WDR88: variants seen among roughly 807,000 people sequenced by gnomAD.
WDR88 encodes WD repeat-containing protein 88.
A neutral mutation model predicts 46.8 loss-of-function variants in WDR88; 40 were observed. The ratio of observed to expected loss-of-function variants is 0.86; its 90% confidence interval spans 0.66 to 1.11. The LOEUF is 1.11. Ranked by LOEUF, WDR88 falls within the 50% of genes most tolerant of loss-of-function variation. The pLI, the probability that WDR88 is intolerant of heterozygous loss-of-function variation, is 0.00. For synonymous variants in WDR88, 235 were observed against 240.7 expected, an observed-to-expected ratio of 0.98 and a Z score of 0.22; for missense variants, 562 against 602.4, an observed-to-expected ratio of 0.93 and a Z score of 0.70.
At chr19:33,147,995 CAGAA>C (rs1318576225) in intron 4 of WDR88, among the ~76,000 whole-genome samples, 1 of 151,474 alleles carries the variant, frequency 6.6e-6, no homozygotes, top group Non-Finnish European at 1.5e-5. Context: ...TTTGGATACA[CAGAA>C]AGAAGCCAGA....
chr19:33,144,663 C>T (rs1973473449), intron 2 of WDR88, among the ~76,000 whole-genome samples, 181 bp from the exon 3 acceptor site: 1 of 152,210 alleles, frequency 6.6e-6, no homozygotes, highest in Non-Finnish European at 1.5e-5. Flanking sequence ...CCTTCCCGCT[C>T]AGGGGACGGA....
intron 4 of WDR88, among the ~76,000 whole-genome samples, chr19:33,148,049 C>T (rs1458014355): frequency 1.3e-5 from 2 of 151,804 alleles, no homozygotes; most frequent in Non-Finnish European, 2.9e-5. Context: ...CCAGGCTCCC[C>T]GGTAAGATGT....
At chr19:33,157,677 GTGTATGTATGTATA>G (rs1355487651) in intron 7 of WDR88, among the ~76,000 whole-genome samples, 7 of 3,450 alleles carry the variant, frequency 2.0e-3, no homozygotes, top group Admixed American at 6.6e-3. Context: ...ATGTGTGTGT[GTGTATGTATGTATA>G]TATATATATA....
chr19:33,164,126 C>A, intron 8 of WDR88, 71 bp from the exon 9 acceptor site: 2 of 1,479,800 alleles, frequency 1.4e-6, no homozygotes, highest in Non-Finnish European at 1.9e-6. Context: ...AGCCACTACA[C>A]CCAGCTTGTT....
intron 6 of WDR88, among the ~76,000 whole-genome samples, chr19:33,151,979 C>T (rs1009420208): frequency 7.9e-5 from 12 of 151,948 alleles, no homozygotes; most frequent in Non-Finnish European, 1.5e-4. Context: ...TGCCTGTAAT[C>T]CCAGCACTTT....
At chr19:33,159,109 T>C (rs770592219) in intron 7 of WDR88, among the ~76,000 whole-genome samples, 6 of 151,608 alleles carry the variant, frequency 4.0e-5, no homozygotes, top group Non-Finnish European at 7.4e-5. Context: ...GGCGGGAGTA[T>C]TGCTTGAACC....
chr19:33,148,744 C>T (rs771047811), intron 4 of WDR88, 28 bp from the exon 5 acceptor site: 1 of 1,613,870 alleles, frequency 6.2e-7, no homozygotes, highest in African/African-American at 1.3e-5. Context: ...TGGCTTAAAA[C>T]AACCTTTTGA....
chr19:33,145,016 T>G, intron 3 of WDR88, 84 bp downstream of exon 3: 1 of 1,308,722 alleles, frequency 7.6e-7, no homozygotes, highest in Non-Finnish European at 1.1e-6. Context: ...ATTTTTGTTT[T>G]TGTTTTAAGT....
chr19:33,143,565 G>A (rs1026342413), intron 2 of WDR88, among the ~76,000 whole-genome samples: 2 of 151,036 alleles, frequency 1.3e-5, no homozygotes, highest in African/African-American at 4.9e-5. Flanking sequence ...GATGGCTTTG[G>A]CCCAGGAGGC....
At position 33,132,157 on chromosome 19, in the gene WDR88, A is replaced by T. The variant is rs1178926312; in HGVS notation, c.-13A>T. On this transcript the variant is annotated 5_prime_UTR_variant, in exon 1 of 11. Transcript: ENST00000355868. ...CAGGCTTGTCGGCGGCCACCGGCGGACCGGGCTTCGAGATGGCCTCCCCGC... is the reference window on the plus strand; with the variant it reads ...CAGGCTTGTCGGCGGCCACCGGCGGTCCGGGCTTCGAGATGGCCTCCCCGC... 2 of 1,575,202 alleles carry T rather than the reference A, an allele frequency of 1.3e-6. No homozygotes were observed. The highest frequency in any genetic ancestry group is 1.7e-6 in the Non-Finnish European group (2 of 1,164,390).
chr19:33,167,547 T>G (rs958155654), intron 9 of WDR88, among the ~76,000 whole-genome samples: 1 of 152,022 alleles, frequency 6.6e-6, no homozygotes, highest in African/African-American at 2.4e-5. Context: ...TATTCAATAT[T>G]GTACTGGAAG....
At chr19:33,143,748 T>G (rs1973451357) in intron 2 of WDR88, among the ~76,000 whole-genome samples, 1 of 152,024 alleles carries the variant, frequency 6.6e-6, no homozygotes, top group Non-Finnish European at 1.5e-5. Context: ...AAAAAACTCA[T>G]CTTTCCATGA....
intron 10 of WDR88, chr19:33,174,601 A>C (rs980943107): frequency 9.1e-6 from 9 of 983,862 alleles, no homozygotes; most frequent in Non-Finnish European, 1.1e-5. Context: ...TAGCACCTGC[A>C]TCAATCTGCT....
chr19:33,174,422 G>A, intron 10 of WDR88: 1 of 1,385,738 alleles, frequency 7.2e-7, no homozygotes, highest in Non-Finnish European at 9.4e-7. Flanking sequence ...AGGGGACCAT[G>A]CATGGTGGGA....
In WDR88 at chr19:33,170,057, A is replaced by T. The variant is rs11882143; in HGVS notation, c.1150-2291A>T. Among the ~76,000 whole-genome samples, 337 of 150,536 alleles carry T rather than the reference A, an allele frequency of 2.2e-3. 3 individuals are homozygous for T. Among genetic ancestry groups the T allele is most frequent in the African/African-American group, 7.9e-3 (324 of 40,840 alleles). On this transcript the variant is annotated intron_variant, in intron 9 of 10. Coordinates refer to ENST00000355868, the MANE Select transcript of WDR88 (RefSeq NM_173479.4). ...CACGCCTGGCTAATTTTGTATTTTT[A>T]GTACAGACGGGGTTTCTCCATGTTG... is the stretch of plus-strand genomic sequence containing the variant.
chr19:33,133,674 A>C (rs924406900), intron 1 of WDR88, among the ~76,000 whole-genome samples: 2 of 152,212 alleles, frequency 1.3e-5, no homozygotes, highest in Admixed American at 1.3e-4. Flanking sequence ...TTTAAGATGA[A>C]GTCTGGCGAT....
chr19:33,167,099 C>G (rs1973965495), intron 9 of WDR88, among the ~76,000 whole-genome samples: 1 of 151,960 alleles, frequency 6.6e-6, no homozygotes, highest in East Asian at 1.9e-4. Flanking sequence ...AAGCCAAGAA[C>G]AAACATGACA....
chr19:33,156,565 G>A (rs745552808), intron 7 of WDR88, 23 bp downstream of exon 7: 19 of 1,603,504 alleles, frequency 1.2e-5, no homozygotes, highest in Non-Finnish European at 1.4e-5. Flanking sequence ...CATGCAGAAG[G>A]CCTCCATTCC....
At chr19:33,170,619 G>C (rs976175944) in intron 9 of WDR88, among the ~76,000 whole-genome samples, 2 of 152,148 alleles carry the variant, frequency 1.3e-5, no homozygotes, top group African/African-American at 4.8e-5. Context: ...CCAGCAATTT[G>C]GGAGGCTGAG....
Sources: gnomAD v4.1 joint callset for allele counts (sites outside exome capture counted in the v4.1 genomes callset) on GRCh38, gnomAD v4.1.1 for gene constraint, MANE v1.5 for transcripts, NCBI Gene and HGNC (gene_info 2026-07-23, HGNC 2026-07-21) for gene names.